SIK3: variants seen among roughly 807,000 people sequenced by gnomAD.
SIK3 encodes the protein SIK family kinase 3.
Under a neutral mutation model 144.2 loss-of-function variants are expected in SIK3, and 28 were observed. The ratio of observed to expected loss-of-function variants is 0.19; its 90% CI spans 0.14 to 0.27. The LOEUF (loss-of-function observed/expected upper bound fraction) is 0.27. SIK3 is among the 10% of genes least tolerant of loss of function. The probability of loss-of-function intolerance (pLI) is 1.00; values close to 1 mark genes in which losing one functional copy is unlikely to be tolerated. For synonymous variants in SIK3, 686 were observed against 676.3 expected (o/e 1.01, Z -0.22); for missense variants, 1,319 against 1,776.0 (o/e 0.74, Z 4.62).
Position 116,924,568 on chromosome 11 carries a change from C to A in SIK3, c.616+2651G>T, listed in dbSNP as rs1274902965. 2.0e-5 allele frequency among the ~76,000 whole-genome samples: 3 copies of A among 152,128 alleles called. No individual in the cohort carries two copies. In the East Asian group the frequency reaches 5.8e-4, roughly 29 times the overall value. On this transcript the variant is annotated intron_variant, in intron 4 of 24. Coordinates refer to ENST00000445177, the MANE Select transcript of SIK3 (RefSeq NM_001366686.3). Reference sequence around the variant, plus strand: ...TTTCAAAACACACAAGACAAAGCTCCCCTTTGGTCAAGGTGTTCCACACAC... The same window carrying A: ...TTTCAAAACACACAAGACAAAGCTCACCTTTGGTCAAGGTGTTCCACACAC...
intron 1 of SIK3, among the ~76,000 whole-genome samples, chr11:117,073,770 G>A (rs1225822267): frequency 3.9e-5 from 6 of 152,164 alleles, no homozygotes; most frequent in African/African-American, 1.4e-4. Context: ...CTGCTCCTCC[G>A]GAGGAAGAAG....
chr11:116,899,132 G>T (rs892976133), intron 4 of SIK3, among the ~76,000 whole-genome samples: 1 of 152,098 alleles, frequency 6.6e-6, no homozygotes, highest in Admixed American at 6.6e-5. Flanking sequence ...TTAATCCATC[G>T]TGAATTGATT....
At chr11:116,914,398 A>C (rs1180160265) in intron 4 of SIK3, among the ~76,000 whole-genome samples, 1 of 151,898 alleles carries the variant, frequency 6.6e-6, no homozygotes, top group African/African-American at 2.4e-5. Context: ...TAGTAGAGAC[A>C]AGGTTTCACC....
At position 117,065,482 on chromosome 11, in the gene SIK3, T is replaced by A. The variant is rs146070555; in HGVS notation, c.273+32661A>T. Among the ~76,000 whole-genome samples the A allele has an allele frequency of 6.6e-5, 10 of 152,250 alleles. No individual in the cohort carries two copies. The East Asian group carries it at 1.9e-3, about 29-fold the overall frequency. On this transcript the variant is annotated intron_variant, in intron 1 of 24. Transcript: ENST00000445177. ...TTTGAAAACAATCCATGAAAACGAA[T>A]GTTAAACCTGGCACTGTATTTCATT... is the stretch of plus-strand genomic sequence containing the variant.
rs538710349 is a variant in SIK3, at chr11:117,050,816, T to C, written c.273+47327A>G. Among the ~76,000 whole-genome samples, 13 of 152,120 alleles carry C rather than the reference T, an allele frequency of 8.5e-5. No individual in the cohort carries two copies. In the South Asian group the frequency reaches 1.5e-3, roughly 17 times the overall value. ...GGGTAGATACAAACATAAAATGCAA[T>C]TCACATTATAGGACTCACAACTAGG... On this transcript the variant is annotated intron_variant, in intron 1 of 24. Transcript: ENST00000445177.
At chr11:116,850,274 T>G (rs1487267352) in intron 21 of SIK3, among the ~76,000 whole-genome samples, 1 of 152,216 alleles carries the variant, frequency 6.6e-6, no homozygotes, top group Non-Finnish European at 1.5e-5. Flanking sequence ...AACACTGCCC[T>G]GGGCTATCTT....
At chr11:116,995,296 C>A (rs1950626745) in intron 1 of SIK3, among the ~76,000 whole-genome samples, 1 of 149,758 alleles carries the variant, frequency 6.7e-6, no homozygotes, top group Admixed American at 6.6e-5. Context: ...CAGGGTCTCA[C>A]TCTGTCACCC....
chr11:117,020,246 T>TATATATATATATATACACAC, intron 1 of SIK3, among the ~76,000 whole-genome samples: 1 of 127,232 alleles, frequency 7.9e-6, no homozygotes, highest in African/African-American at 3.5e-5. Context: ...CATATATATA[T>TATATATATATATATACACAC]ACACATACAT....
At position 116,846,981 on chromosome 11, in the gene SIK3, C is replaced by A. The variant is rs1290127999; in HGVS notation, c.3953-428G>T. On this transcript the variant is annotated intron_variant, in intron 23 of 24. Transcript: ENST00000445177. The surrounding 1 kb of genome is among the most constrained non-coding windows in gnomAD (Gnocchi z 4.1). ...ACTAAGCCAGCCAGCCCTCAGGGCA[C>A]AATGTAGGATAAAGGCTCTATCGTT... Among the ~76,000 whole-genome samples the A allele has an allele frequency of 6.6e-6, 1 of 152,140 alleles. No individual in the cohort carries two copies. Among genetic ancestry groups the A allele is most frequent in the Non-Finnish European group, 1.5e-5 (1 of 68,032 alleles).
intron 1 of SIK3, among the ~76,000 whole-genome samples, chr11:117,038,255 CAAAG>C (rs1364149070): frequency 6.6e-6 from 1 of 152,100 alleles, no homozygotes; most frequent in Non-Finnish European, 1.5e-5. Flanking sequence ...CTCAACCAAA[CAAAG>C]AACCACTCAA....
At chr11:116,896,118 G>A (rs1945382945) in intron 6 of SIK3, 135 bp downstream of exon 6, 1 of 1,206,810 alleles carries the variant, frequency 8.3e-7, no homozygotes, top group Non-Finnish European at 1.2e-6. Context: ...CCTCCTGGAG[G>A]CATCAGGTCA....
chr11:116,999,599 C>G (rs77348653), intron 1 of SIK3, among the ~76,000 whole-genome samples: 1 of 151,270 alleles, frequency 6.6e-6, no homozygotes. Context: ...CTTTTCTTTT[C>G]TTTTTTGTTT....
At chr11:116,914,090 T>C (rs183210575) in intron 4 of SIK3, among the ~76,000 whole-genome samples, 1 of 149,904 alleles carries the variant, frequency 6.7e-6, no homozygotes, top group Non-Finnish European at 1.5e-5. Flanking sequence ...AGATTAAAGC[T>C]AATAGGAAAC....
At chr11:116,956,120 T>C (rs917180550) in intron 2 of SIK3, among the ~76,000 whole-genome samples, 1 of 152,280 alleles carries the variant, frequency 6.6e-6, no homozygotes, top group East Asian at 1.9e-4. Context: ...GTTGGGCCTA[T>C]GCAGAGGCAA....
intron 1 of SIK3, among the ~76,000 whole-genome samples, chr11:117,083,260 G>A (rs1565627027): frequency 6.6e-6 from 1 of 152,112 alleles, no homozygotes; most frequent in Non-Finnish European, 1.5e-5. Flanking sequence ...TAAAATCACT[G>A]GCTACCCTTT....
chr11:116,965,755 ATAT>A (rs1565507565), intron 1 of SIK3, among the ~76,000 whole-genome samples: 1 of 12,162 alleles, frequency 8.2e-5, no homozygotes. Context: ...ATATATATAT[ATAT>A]ATATATATAT....
At chr11:116,903,914 C>G (rs1425089344) in intron 4 of SIK3, among the ~76,000 whole-genome samples, 1 of 152,178 alleles carries the variant, frequency 6.6e-6, no homozygotes, top group Non-Finnish European at 1.5e-5. Flanking sequence ...TAAGTTTGAT[C>G]TGAACTTGAA....
chr11:116,920,933 G>A (rs1591327149), intron 4 of SIK3, among the ~76,000 whole-genome samples: 1 of 152,302 alleles, frequency 6.6e-6, no homozygotes, highest in South Asian at 2.1e-4. Flanking sequence ...GTGATAATGA[G>A]TCATGACATG....
At position 116,875,858 on chromosome 11, in the gene SIK3, T is replaced by C. The variant is rs367830093; in HGVS notation, c.1239+8A>G. 6.3e-7 allele frequency: 1 copy of C among 1,597,510 alleles called. No individual in the cohort carries two copies. Among genetic ancestry groups the C allele is most frequent in the African/African-American group, 1.4e-5 (1 of 73,672 alleles). On this transcript the variant is annotated splice_region_variant and intron_variant, in intron 9 of 24. Coordinates refer to ENST00000445177, the MANE Select transcript of SIK3 (RefSeq NM_001366686.3). Reference sequence around the variant, plus strand: ...GTCCTGAACTAGGTCACTGGAGTTATTGCCCACCTGGATATTGACTGGTGC... The same window carrying C: ...GTCCTGAACTAGGTCACTGGAGTTACTGCCCACCTGGATATTGACTGGTGC...
Sources: gnomAD v4.1 joint callset for allele counts (sites outside exome capture counted in the v4.1 genomes callset) on GRCh38, gnomAD v4.1.1 for gene constraint, Gnocchi (gnomAD v3.1) non-coding constraint, MANE v1.5 for transcripts, NCBI Gene and HGNC (gene_info 2026-07-23, HGNC 2026-07-21) for gene names.